The following STX12 variants were observed in gnomAD, a reference collection of about 807,000 sequenced individuals.
The protein encoded by STX12 is syntaxin-12.
Under a neutral mutation model 42.2 loss-of-function variants are expected in STX12, and 17 were observed. That is an observed-to-expected ratio of 0.40 (90% CI 0.28 to 0.60). STX12 has a LOEUF of 0.60. Ranked by LOEUF, STX12 falls within the 20% of genes least tolerant of loss-of-function variation. The probability of loss-of-function intolerance (pLI) is 0.39; values close to 1 mark genes in which losing one functional copy is unlikely to be tolerated. For synonymous variants in STX12, 108 were observed against 116.7 expected (o/e 0.93, Z 0.48); for missense variants, 297 against 330.9 (o/e 0.90, Z 0.79).
At position 27,776,968 on chromosome 1, in the gene STX12, T is replaced by C. The variant is rs377728694; in HGVS notation, c.118+3543T>C. The stretch of plus-strand genomic sequence containing the variant: ...AGTACTTATCTCAGTCCCAAACATA[T>C]GAAAGATTCATTGATCCACTATGCA... On this transcript the variant is annotated intron_variant, in intron 1 of 8. Coordinates refer to ENST00000373943, the MANE Select transcript of STX12 (RefSeq NM_177424.3). Among the ~76,000 whole-genome samples, 19 of 152,276 alleles carry C rather than the reference T, an allele frequency of 1.2e-4. No homozygotes were observed. The East Asian group carries it at 3.7e-3, about 29-fold the overall frequency.
chr1:27,804,462 TA>T (rs1048197774), intron 4 of STX12, among the ~76,000 whole-genome samples: 505 of 141,248 alleles, frequency 3.6e-3, no homozygotes, highest in Middle Eastern at 7.4e-3. Flanking sequence ...TCTTGAATCT[TA>T]AAAAAAAAAA....
chr1:27,801,399 G>T (rs184926297), intron 3 of STX12, among the ~76,000 whole-genome samples: 4 of 149,622 alleles, frequency 2.7e-5, no homozygotes, highest in Non-Finnish European at 5.9e-5. Context: ...GCAAGACTCC[G>T]TCTCAATAAA....
chr1:27,794,865 G>A (rs781350981), intron 3 of STX12, among the ~76,000 whole-genome samples: 8 of 151,752 alleles, frequency 5.3e-5, no homozygotes, highest in Non-Finnish European at 1.0e-4. Context: ...GGAACCACAA[G>A]TGCGCACCAC....
intron 3 of STX12, among the ~76,000 whole-genome samples, chr1:27,800,462 A>G (rs2088819505): frequency 2.0e-5 from 3 of 151,702 alleles, no homozygotes; most frequent in Middle Eastern, 6.8e-3. Flanking sequence ...CTGTGTTCAT[A>G]GAACAGGACA....
chr1:27,779,591 G>A (rs2064071), intron 1 of STX12, among the ~76,000 whole-genome samples: 2 of 151,554 alleles, frequency 1.3e-5, no homozygotes, highest in South Asian at 2.1e-4. Flanking sequence ...CTCGGCCTCC[G>A]AAAGTGCTGG....
chr1:27,803,489 T>A (rs548205974), intron 4 of STX12, among the ~76,000 whole-genome samples: 1 of 152,086 alleles, frequency 6.6e-6, no homozygotes, highest in Non-Finnish European at 1.5e-5. Flanking sequence ...GAGGGCTAAT[T>A]AAAGACATTT....
intron 7 of STX12, among the ~76,000 whole-genome samples, chr1:27,818,781 C>T (rs1433514651): frequency 6.6e-6 from 1 of 152,028 alleles, no homozygotes; most frequent in Non-Finnish European, 1.5e-5. Context: ...AAGCATGTGC[C>T]ACCACGCCCG....
In STX12 at chr1:27,822,237, T is replaced by A. The variant is rs747164344; in HGVS notation, c.739T>A (p.Ser247Thr). The change falls in exon 9 of 9, where the codon TCT becomes ACT. Residue 247 changes from serine (S) to threonine (T), a missense_variant. Physicochemically the swap from Ser to Thr is moderately conservative, Grantham distance 58. Coordinates refer to ENST00000373943, the MANE Select transcript of STX12 (RefSeq NM_177424.3). Reference protein sequence around the residue: ...LQRAAYYQKKSRKKMCILVLV... With the variant: ...LQRAAYYQKKTRKKMCILVLV... ...TACATATTTCTTTCCTCAGAAAAAA[T>A]CTCGCAAGAAGATGTGTATCCTGGT... 1.2e-6 allele frequency: 2 copies of A among 1,608,000 alleles called. No individual in the cohort carries two copies. The highest frequency in any genetic ancestry group is 8.5e-7 in the Non-Finnish European group (1 of 1,174,510).
intron 1 of STX12, among the ~76,000 whole-genome samples, chr1:27,780,295 G>A (rs1357160894): frequency 7.1e-6 from 1 of 141,596 alleles, no homozygotes; most frequent in African/African-American, 2.7e-5. Context: ...TGCAACTTCC[G>A]CCTCCCAGAT....
chr1:27,807,799 T>C (rs1452004393), intron 4 of STX12, among the ~76,000 whole-genome samples: 1 of 152,200 alleles, frequency 6.6e-6, no homozygotes, highest in Non-Finnish European at 1.5e-5. Context: ...CTGTCAACTG[T>C]AGAATGGATA....
At chr1:27,801,412 G>GAA (rs200781500) in intron 3 of STX12, among the ~76,000 whole-genome samples, 2 of 107,726 alleles carry the variant, frequency 1.9e-5, no homozygotes, top group African/African-American at 6.8e-5. Context: ...TCAATAAAAA[G>GAA]AAAAAAAAAA....
chr1:27,814,590 T>G (rs2088927752), intron 6 of STX12, among the ~76,000 whole-genome samples: 1 of 152,050 alleles, frequency 6.6e-6, no homozygotes, highest in Admixed American at 6.6e-5. Context: ...GGCTCATGCC[T>G]GTAATCCCAG....
chr1:27,775,195 C>T (rs1308557678), intron 1 of STX12, among the ~76,000 whole-genome samples: 2 of 152,118 alleles, frequency 1.3e-5, no homozygotes, highest in African/African-American at 4.8e-5. Flanking sequence ...TCCATCTATC[C>T]ATCTTCGTGT....
Position 27,823,951 on chromosome 1 carries a change from C to T in STX12, c.*1622C>T, listed in dbSNP as rs552983062. 2.0e-5 allele frequency: 3 copies of T among 152,020 alleles called. No homozygotes were observed. In the South Asian group the frequency reaches 6.3e-4, roughly 32 times the overall value. The allele number at this position is 152,020 out of a possible 1,614,324, so 9.4% of individuals were successfully genotyped here. ...GTAGAGATGGCTGAGTGCAATGGCT[C>T]ACACTTGTAATCCCAACACTTTGGA... On this transcript the variant is annotated 3_prime_UTR_variant, in exon 9 of 9. Coordinates refer to ENST00000373943, the MANE Select transcript of STX12 (RefSeq NM_177424.3).
chr1:27,803,929 A>C (rs569011069), intron 4 of STX12, among the ~76,000 whole-genome samples: 161 of 152,110 alleles, frequency 1.1e-3, no homozygotes, highest in African/African-American at 3.7e-3. Flanking sequence ...TGAACCAGGG[A>C]GACAGAGGTT....
At chr1:27,789,695 A>T (rs1169528223) in intron 2 of STX12, 64 bp downstream of exon 2, 1 of 1,253,018 alleles carries the variant, frequency 8.0e-7, no homozygotes, top group African/African-American at 1.5e-5. Flanking sequence ...TGTCCTTGCC[A>T]GACAGCAGCT....
At chr1:27,815,887 A>G (rs2088937685) in intron 6 of STX12, among the ~76,000 whole-genome samples, 1 of 152,194 alleles carries the variant, frequency 6.6e-6, no homozygotes, top group Non-Finnish European at 1.5e-5. Flanking sequence ...AGAAAAACTC[A>G]AATATAGGCC....
chr1:27,776,828 T>G (rs1297211575), intron 1 of STX12, among the ~76,000 whole-genome samples: 1 of 152,162 alleles, frequency 6.6e-6, no homozygotes, highest in African/African-American at 2.4e-5. Flanking sequence ...GGACACTCTG[T>G]GGGGGAAATA....
chr1:27,793,225 T>G (rs1404515886), intron 2 of STX12, among the ~76,000 whole-genome samples: 1 of 152,244 alleles, frequency 6.6e-6, no homozygotes, highest in African/African-American at 2.4e-5. Flanking sequence ...GCGGCAATTG[T>G]TCTTTTTATA....
Sources: allele counts gnomAD v4.1 joint callset (sites outside exome capture counted in the v4.1 genomes callset), GRCh38; gene constraint gnomAD v4.1.1; transcripts MANE v1.5; gene names NCBI Gene and HGNC (gene_info 2026-07-23, HGNC 2026-07-21).